OOEP: variants seen among roughly 807,000 people sequenced by gnomAD.
OOEP encodes the protein oocyte-expressed protein homolog.
Under a neutral mutation model 13.7 loss-of-function variants are expected in OOEP, and 16 were observed. The ratio of observed to expected loss-of-function variants is 1.16; its 90% CI spans 0.79 to 1.77. The LOEUF (loss-of-function observed/expected upper bound fraction) is 1.77, where lower values mean the gene tolerates loss of function less well. OOEP is among the 40% of genes most tolerant of loss of function. OOEP has a pLI of 0.00. For missense variants in OOEP, 195 were observed against 193.1 expected (o/e 1.01, Z -0.06); for synonymous variants, 89 against 77.1 (o/e 1.15, Z -0.81).
upstream of OOEP, chr6:73,369,939 G>T (rs1005497008): frequency 2.7e-5 from 18 of 671,420 alleles, 1 homozygote; most frequent in Admixed American, 2.5e-4. Context: ...GGGTGAGCGG[G>T]TGCAAGCGAC....
upstream of OOEP, among the ~76,000 whole-genome samples, chr6:73,374,349 C>T (rs1298753408): frequency 1.3e-5 from 2 of 152,038 alleles, no homozygotes; most frequent in Admixed American, 1.3e-4. Context: ...CTTTCCAGGA[C>T]CCACTCCCAT....
chr6:73,368,627 G>T lies in OOEP; in HGVS notation c.*157C>A. ...TGGCAAAATAGCCATTTCTTTATTA[G>T]AATAGTTCAAACTCACTCTTGCAAC... On this transcript the variant is annotated 3_prime_UTR_variant, in exon 3 of 3. Transcript: ENST00000370359. The T allele has an allele frequency of 3.4e-6, 2 of 592,098 alleles. No homozygotes were observed. Among genetic ancestry groups the T allele is most frequent in the Non-Finnish European group, 3.0e-6 (1 of 332,828 alleles). The allele number at this position is 592,098 out of a possible 1,614,324, so 36.7% of individuals were successfully genotyped here.
At chr6:73,373,341 T>C, upstream of OOEP, 1 of 1,397,032 alleles carries the variant, frequency 7.2e-7, no homozygotes, top group South Asian at 1.2e-5. Context: ...GTTTTCTTTT[T>C]TGAGACAGGG....
exon 1 of OOEP, chr6:73,394,813 C>T (rs1411636285): frequency 6.5e-7 from 1 of 1,537,234 alleles, no homozygotes; most frequent in South Asian, 1.3e-5. Flanking sequence ...GTAGCGGCTG[C>T]GTGGCTTCCC....
At chr6:73,394,440 G>A (rs1769409403) in exon 2 of OOEP, 2 of 707,520 alleles carry the variant, frequency 2.8e-6, no homozygotes, top group Admixed American at 4.1e-5. Context: ...CTTGAAGCCA[G>A]AAGCCAAGAG....
At chr6:73,382,341 C>G (rs1486302612) in intron 2 of OOEP, among the ~76,000 whole-genome samples, 2 of 151,454 alleles carry the variant, frequency 1.3e-5, no homozygotes, top group African/African-American at 4.9e-5. Context: ...CCTCAGCCTC[C>G]TGAGTAGCGG....
Position 73,369,869 on chromosome 6 carries a change from G to T in OOEP, c.-77C>A. The T allele has an allele frequency of 1.4e-6, 2 of 1,391,182 alleles. No individual in the cohort carries two copies. The highest frequency in any genetic ancestry group is 2.0e-6 in the Non-Finnish European group (2 of 1,005,540). 86.2% of individuals were successfully genotyped at this position (1,391,182 alleles called of 1,614,324 possible). The stretch of plus-strand genomic sequence containing the variant: ...TTCCAGACCCAGGCGCGAAGCTCGG[G>T]CTCTCTTTTACCATATTCGACCCGC... On this transcript the variant is annotated 5_prime_UTR_variant, in exon 1 of 3. Transcript: ENST00000370359.
intron 2 of OOEP, among the ~76,000 whole-genome samples, chr6:73,394,076 C>T (rs1388438053): frequency 1.3e-5 from 2 of 152,126 alleles, no homozygotes; most frequent in Admixed American, 6.5e-5. Context: ...TGCAGTGGCT[C>T]AGGCCTGTAA....
intron 2 of OOEP, among the ~76,000 whole-genome samples, chr6:73,382,440 A>T (rs943785237): frequency 6.0e-5 from 9 of 149,324 alleles, no homozygotes; most frequent in Non-Finnish European, 1.3e-4. Context: ...CTGGTCTCGA[A>T]CTCCTGACCT....
At chr6:73,385,528 C>T (rs1288874762) in intron 2 of OOEP, among the ~76,000 whole-genome samples, 1 of 151,658 alleles carries the variant, frequency 6.6e-6, no homozygotes, top group Non-Finnish European at 1.5e-5. Flanking sequence ...GCAGCAAATG[C>T]ATTTTACAAA....
intron 2 of OOEP, among the ~76,000 whole-genome samples, chr6:73,385,610 C>T (rs1021013439): frequency 3.9e-4 from 52 of 134,990 alleles, no homozygotes; most frequent in African/African-American, 9.7e-4. Flanking sequence ...TTTTTTTTTT[C>T]GGAGTCTCAC....
chr6:73,368,754 T>G lies in OOEP; in HGVS notation c.*30A>C, dbSNP rs1768995923. The G allele has an allele frequency of 6.8e-7, 1 of 1,481,374 alleles. No individual in the cohort carries two copies. Among genetic ancestry groups the G allele is most frequent in the Non-Finnish European group, 9.4e-7 (1 of 1,059,292 alleles). The allele number at this position is 1,481,374 out of a possible 1,614,324, so 91.8% of individuals were successfully genotyped here. A position where few individuals can be genotyped will look rare whatever the true frequency, so the allele number is the denominator to read the frequency against. ...ACTTTAGCAGCAAAAGTTAGAAAGTTAAGATGTTCCCAACAGTAACTATGT... is the reference window on the plus strand; with the variant it reads ...ACTTTAGCAGCAAAAGTTAGAAAGTGAAGATGTTCCCAACAGTAACTATGT... On this transcript the variant is annotated 3_prime_UTR_variant, in exon 3 of 3. Transcript: ENST00000370359.
At chr6:73,390,592 T>C (rs558904299) in intron 2 of OOEP, among the ~76,000 whole-genome samples, 1 of 151,442 alleles carries the variant, frequency 6.6e-6, no homozygotes, top group South Asian at 2.1e-4. Flanking sequence ...TTTTTTTTTT[T>C]TTTTTTGAGA....
chr6:73,390,995 C>T (rs1274313975), intron 2 of OOEP: 1 of 152,136 alleles, frequency 6.6e-6, no homozygotes, highest in Admixed American at 6.6e-5. Flanking sequence ...TATCTTTCCT[C>T]ACCACGTGAG....
rs374826255 is a variant in OOEP, at chr6:73,369,631, T to C, written c.162A>G (p.Leu54=). ...QELRDPLVFY[L]EAWLADELFG... is the part of the protein sequence containing the mutation. ...AGAGCTCGTCTGCCAGCCATGCCTCTAGGTAGAACACCAAAGGGTCTCTCA... is the reference window on the plus strand; with the variant it reads ...AGAGCTCGTCTGCCAGCCATGCCTCCAGGTAGAACACCAAAGGGTCTCTCA... Residue 54 remains leucine (L), a synonymous_variant, in exon 1 of 3, where the codon CTA becomes CTG. Transcript: ENST00000370359. The C allele has an allele frequency of 2.3e-5, 37 of 1,613,952 alleles. No homozygotes were observed. The African/African-American group carries it at 4.3e-4, about 19-fold the overall frequency.
At chr6:73,381,914 G>A (rs1769214482) in intron 2 of OOEP, among the ~76,000 whole-genome samples, 1 of 152,188 alleles carries the variant, frequency 6.6e-6, no homozygotes, top group Non-Finnish European at 1.5e-5. Context: ...CCGGGAGGCA[G>A]AGGTTGCAGT....
chr6:73,381,224 AAAAAGAAG>A (rs1474341851), intron 2 of OOEP, among the ~76,000 whole-genome samples: 1 of 142,004 alleles, frequency 7.0e-6, no homozygotes, highest in Non-Finnish European at 1.5e-5. Context: ...AAAAAAAAAA[AAAAAGAAG>A]AAGAAAAAGA....
At chr6:73,388,336 G>T (rs1769302589) in intron 2 of OOEP, among the ~76,000 whole-genome samples, 1 of 152,214 alleles carries the variant, frequency 6.6e-6, no homozygotes, top group Admixed American at 6.5e-5. Flanking sequence ...AATTTAAGGG[G>T]AAAAGTCAGA....
intron 1 of OOEP, 74 bp downstream of exon 1, chr6:73,369,529 T>C (rs1028308024): frequency 7.9e-5 from 121 of 1,530,922 alleles, no homozygotes; most frequent in Non-Finnish European, 1.1e-4. Context: ...GGAAAGAGAC[T>C]GTAGAGAGCT....
Sources: gnomAD v4.1 joint callset for allele counts (sites outside exome capture counted in the v4.1 genomes callset) on GRCh38, gnomAD v4.1.1 for gene constraint, MANE v1.5 for transcripts, NCBI Gene and HGNC (gene_info 2026-07-23, HGNC 2026-07-21) for gene names.